The following VSIG1 variants were observed in gnomAD, a reference collection of about 807,000 sequenced individuals.
The protein encoded by VSIG1 is V-set and immunoglobulin domain-containing protein 1.
In VSIG1, 11 loss-of-function variants were observed where a neutral mutation model predicts 20.1. The ratio of observed to expected loss-of-function variants is 0.55; its 90% confidence interval spans 0.34 to 0.91. The LOEUF (loss-of-function observed/expected upper bound fraction) is 0.91. Among genes scored for constraint, VSIG1 ranks in the 40% least tolerant of loss-of-function variants. The probability of loss-of-function intolerance (pLI) is 0.02; values close to 1 mark genes in which losing one functional copy is unlikely to be tolerated. For synonymous variants in VSIG1, 126 were observed against 116.7 expected, an observed-to-expected ratio of 1.08 and a Z score of -0.52; for missense variants, 283 against 298.8, an observed-to-expected ratio of 0.95 and a Z score of 0.39.
chrX:108,050,024 G>A lies in VSIG1; in HGVS notation c.49+4845G>A, dbSNP rs149439581. ...GTGCTGCATTTTTGTTTGCATTCAG[G>A]CACTTTTCTTAATTTATCAGTGCAT... On this transcript the variant is annotated intron_variant, in intron 1 of 6. Transcript: ENST00000217957. Among the ~76,000 whole-genome samples the A allele has an allele frequency of 2.7e-5, 3 of 112,251 alleles. No homozygotes were observed. In the East Asian group the frequency reaches 8.4e-4, roughly 31 times the overall value.
the VSIG1 span, among the ~76,000 whole-genome samples, chrX:108,026,723 T>C: frequency 9.0e-6 from 1 of 111,251 alleles, no homozygotes; most frequent in Non-Finnish European, 1.9e-5. Flanking sequence ...AATACACCTG[T>C]TCAGTCTCAA....
intron 3 of VSIG1, among the ~76,000 whole-genome samples, chrX:108,069,257 A>T (rs2031192397): frequency 8.9e-6 from 1 of 111,819 alleles, no homozygotes; most frequent in Non-Finnish European, 1.9e-5. Context: ...TTTGTGTCAG[A>T]TAGCTCTGTG....
chrX:108,063,150 G>A (rs807168), intron 2 of VSIG1, among the ~76,000 whole-genome samples: 5,875 of 111,687 alleles, frequency 0.053, 417 homozygotes, highest in African/African-American at 0.18. Context: ...GGCATCATGT[G>A]GTGAACATAC....
chrX:108,062,971 A>G (rs1259865071), intron 2 of VSIG1, among the ~76,000 whole-genome samples: 1 of 112,446 alleles, frequency 8.9e-6, no homozygotes, highest in African/African-American at 3.2e-5. Context: ...TTTATACTCC[A>G]TGCTTCTAGT....
chrX:108,053,422 T>C (rs5962934), intron 1 of VSIG1, among the ~76,000 whole-genome samples: 5,655 of 111,289 alleles, frequency 0.051, 129 homozygotes, highest in East Asian at 0.095. Context: ...TAGACTGTTA[T>C]GACTCACACA....
chrX:108,064,816 A>G, intron 2 of VSIG1: 1 of 698,130 alleles, frequency 1.4e-6, no homozygotes, highest in Non-Finnish European at 1.7e-6. Context: ...TCAAACTGTC[A>G]ATTAGAAAGT....
At position 108,077,852 on chromosome X, in the gene VSIG1, C is replaced by T. The variant is rs897582175; in HGVS notation, c.*471C>T. Reference sequence around the variant, plus strand: ...CCTCCTGAGTAGCTGGGACTACAGGCACGTGCCACCACGCCCGGCTAATTT... The same window carrying T: ...CCTCCTGAGTAGCTGGGACTACAGGTACGTGCCACCACGCCCGGCTAATTT... On this transcript the variant is annotated 3_prime_UTR_variant, in exon 7 of 7. Transcript: ENST00000217957. The T allele has an allele frequency of 8.9e-6, 1 of 112,555 alleles. No homozygotes were observed. Among genetic ancestry groups the T allele is most frequent in the African/African-American group, 3.3e-5 (1 of 30,457 alleles). 9.3% of individuals were successfully genotyped at this position (112,555 alleles called of 1,213,427 possible). A position where few individuals can be genotyped will look rare whatever the true frequency, so the allele number is the denominator to read the frequency against.
the VSIG1 span, among the ~76,000 whole-genome samples, chrX:108,020,793 C>T: frequency 9.0e-6 from 1 of 111,525 alleles, no homozygotes; most frequent in Admixed American, 9.5e-5. Flanking sequence ...GCCACCAGTC[C>T]GAAATGGGGA....
the VSIG1 span, among the ~76,000 whole-genome samples, chrX:108,037,014 A>C: frequency 9.9e-5 from 11 of 111,617 alleles, no homozygotes; most frequent in African/African-American, 3.6e-4. Flanking sequence ...AGAGACAGAG[A>C]GATGTATGAG....
chrX:108,055,573 C>T (rs1300283424), intron 1 of VSIG1, among the ~76,000 whole-genome samples: 3 of 111,533 alleles, frequency 2.7e-5, no homozygotes, highest in Non-Finnish European at 3.8e-5. Flanking sequence ...AAAACACTAG[C>T]AAATTGAATC....
chrX:108,022,153 C>T, the VSIG1 span, among the ~76,000 whole-genome samples: 1 of 111,755 alleles, frequency 8.9e-6, no homozygotes, highest in African/African-American at 3.3e-5. Context: ...ATATTGCCAT[C>T]TCAATATTAA....
chrX:108,023,311 A>T, the VSIG1 span, among the ~76,000 whole-genome samples: 3 of 111,685 alleles, frequency 2.7e-5, no homozygotes, highest in Non-Finnish European at 3.8e-5. Context: ...CCTGGGATAA[A>T]TCTTACTTGG....
In VSIG1 at chrX:108,072,794, T is replaced by G. The variant is rs2031276808; in HGVS notation, c.530T>G (p.Leu177Arg). The G allele has an allele frequency of 8.3e-7, 1 of 1,211,044 alleles. No homozygotes were observed. The highest frequency in any genetic ancestry group is 1.1e-6 in the Non-Finnish European group (1 of 895,293). Residue 177 changes from leucine (L) to arginine (R), a missense_variant, in exon 4 of 7, where the codon CTT becomes CGT. Coordinates refer to ENST00000217957, the MANE Select transcript of VSIG1 (RefSeq NM_182607.5). Reference protein sequence around the residue: ...TPSPVYYWHKLEGRDIVPVKE... With the variant: ...TPSPVYYWHKREGRDIVPVKE... Reference sequence around the variant, plus strand: ...TCCCCTGTGTACTACTGGCATAAACTTGAGGGAAGAGACATCGTGCCAGTG... The same window carrying G: ...TCCCCTGTGTACTACTGGCATAAACGTGAGGGAAGAGACATCGTGCCAGTG...
At chrX:108,026,463 A>G in the VSIG1 span, among the ~76,000 whole-genome samples, 6 of 111,193 alleles carry the variant, frequency 5.4e-5, no homozygotes, top group Non-Finnish European at 9.5e-5. Context: ...TAAAGCCTGT[A>G]TGTGCTCATG....
chrX:108,065,888 G>A (rs1236308194), intron 2 of VSIG1, among the ~76,000 whole-genome samples: 1 of 111,619 alleles, frequency 9.0e-6, no homozygotes, highest in South Asian at 3.7e-4. Context: ...TTCTCATTCA[G>A]ATGTGGAAAG....
chrX:108,047,831 CACATAT>C (rs1321872092), intron 1 of VSIG1, among the ~76,000 whole-genome samples: 7 of 32,560 alleles, frequency 2.1e-4, no homozygotes, highest in African/African-American at 9.3e-4. Context: ...CATATATATA[CACATAT>C]ATATATACAT....
chrX:108,072,572 A>G, intron 3 of VSIG1, 105 bp from the exon 4 acceptor site: 4 of 876,189 alleles, frequency 4.6e-6, no homozygotes, highest in Non-Finnish European at 6.4e-6. Context: ...TTTTAAAAAT[A>G]AATAAACACA....
intron 1 of VSIG1, among the ~76,000 whole-genome samples, chrX:108,054,359 C>G (rs1185054856): frequency 9.0e-6 from 1 of 111,572 alleles, no homozygotes; most frequent in Non-Finnish European, 1.9e-5. Flanking sequence ...ATTGATAAAT[C>G]TACTAGACAG....
chrX:108,034,235 G>A, the VSIG1 span, among the ~76,000 whole-genome samples: 5,180 of 111,244 alleles, frequency 0.047, 321 homozygotes, highest in African/African-American at 0.16. Flanking sequence ...GGATGGATGC[G>A]TTCTCTTGAA....
Sources: gnomAD v4.1 joint callset for allele counts (sites outside exome capture counted in the v4.1 genomes callset) on GRCh38, gnomAD v4.1.1 for gene constraint, MANE v1.5 for transcripts, NCBI Gene and HGNC (gene_info 2026-07-23, HGNC 2026-07-21) for gene names.